RICTOR: variants seen among roughly 807,000 people sequenced by gnomAD.
RICTOR encodes RPTOR independent companion of MTOR complex 2.
Under a neutral mutation model 214.9 loss-of-function variants are expected in RICTOR, and 49 were observed. The ratio of observed to expected loss-of-function variants is 0.23; its 90% CI spans 0.18 to 0.29. The LOEUF is 0.29. Ranked by LOEUF, RICTOR falls within the 10% of genes least tolerant of loss-of-function variation. The pLI, the probability that RICTOR is intolerant of heterozygous loss-of-function variation, is 1.00. For missense variants in RICTOR, 1,625 were observed against 2,047.0 expected (o/e 0.79, Z 3.98); for synonymous variants, 717 against 711.3 (o/e 1.01, Z -0.13).
Position 38,962,296 on chromosome 5 carries a change from C to A in RICTOR, c.1715+19G>T. 2 of 1,262,460 alleles carry A rather than the reference C, an allele frequency of 1.6e-6. No individual in the cohort carries two copies. The highest frequency in any genetic ancestry group is 1.1e-6 in the Non-Finnish European group (1 of 894,726). The allele number at this position is 1,262,460 out of a possible 1,614,324, so 78.2% of individuals were successfully genotyped here. A position where few individuals can be genotyped will look rare whatever the true frequency, so the allele number is the denominator to read the frequency against. ...TATTTAAGTTCTTTAAATTTAAATG[C>A]AAAATAGTTCTTACATACCTGTGTA... is the stretch of plus-strand genomic sequence containing the variant. On this transcript the variant is annotated intron_variant, in intron 19 of 37. Coordinates refer to ENST00000357387, the MANE Select transcript of RICTOR (RefSeq NM_152756.5).
chr5:39,058,710 C>T (rs1758349381), intron 2 of RICTOR, among the ~76,000 whole-genome samples: 2 of 152,086 alleles, frequency 1.3e-5, no homozygotes, highest in African/African-American at 4.8e-5. Flanking sequence ...CATGAGCACA[C>T]TGTTGAACTG....
At chr5:38,981,212 A>G (rs2150060270) in intron 8 of RICTOR, 1 of 152,352 alleles carries the variant, frequency 6.6e-6, no homozygotes, top group South Asian at 2.1e-4. Context: ...ACCTAAATAC[A>G]AACAAATCCT....
In RICTOR at chr5:39,012,966, T is replaced by C. The variant is rs150905446; in HGVS notation, c.195+8073A>G. ...CTAGAAGTATTAAGGATGATGTATT[T>C]TATCTTAGTCCCATGGAAAGTGTTT... On this transcript the variant is annotated intron_variant, in intron 3 of 37. Transcript: ENST00000357387. Among the ~76,000 whole-genome samples, 434 of 152,288 alleles carry C rather than the reference T, an allele frequency of 2.8e-3. 3 individuals carry two copies. Among genetic ancestry groups the C allele is most frequent in the African/African-American group, 0.01 (425 of 41,550 alleles).
chr5:38,956,165 CCTAA>C (rs2112893990), intron 25 of RICTOR, among the ~76,000 whole-genome samples: 1 of 152,162 alleles, frequency 6.6e-6, no homozygotes, highest in African/African-American at 2.4e-5. Flanking sequence ...ATCTAATCAA[CCTAA>C]CTACCAGTGA....
At chr5:39,002,383 TG>T in intron 5 of RICTOR, 151 bp downstream of exon 5, 1 of 185,338 alleles carries the variant, frequency 5.4e-6, no homozygotes, top group Non-Finnish European at 9.3e-6. Context: ...GTTACTTGGT[TG>T]TGTGTGTGTG....
At chr5:38,949,308 TA>T (rs904764033) in intron 31 of RICTOR, 8 of 1,226,090 alleles carry the variant, frequency 6.5e-6, no homozygotes, top group African/African-American at 4.7e-5. Context: ...TTTATCTTTT[TA>T]AAAAAATAAT....
intron 2 of RICTOR, among the ~76,000 whole-genome samples, chr5:39,051,557 G>A (rs1362641418): frequency 6.6e-6 from 1 of 152,076 alleles, no homozygotes; most frequent in Non-Finnish European, 1.5e-5. Context: ...AGACCAGGCT[G>A]GCCAACATGG....
intron 22 of RICTOR, 81 bp from the exon 23 acceptor site, chr5:38,958,912 T>C: frequency 9.6e-7 from 1 of 1,041,250 alleles, no homozygotes; most frequent in Non-Finnish European, 1.3e-6. Flanking sequence ...GGGATAGTCC[T>C]GCTACTTGAA....
At chr5:39,048,312 T>C (rs561026698) in intron 2 of RICTOR, among the ~76,000 whole-genome samples, 4 of 152,344 alleles carry the variant, frequency 2.6e-5, no homozygotes, top group South Asian at 2.1e-4. Context: ...GCTTGCAAGG[T>C]TGACCCTCAG....
At chr5:38,990,573 A>G (rs1259345763) in intron 7 of RICTOR, among the ~76,000 whole-genome samples, 1 of 147,854 alleles carries the variant, frequency 6.8e-6, no homozygotes, top group East Asian at 1.9e-4. Flanking sequence ...TACACGATAT[A>G]TATGATATAT....
chr5:39,052,812 C>A (rs769924972), intron 2 of RICTOR, among the ~76,000 whole-genome samples: 4 of 152,128 alleles, frequency 2.6e-5, no homozygotes, highest in Admixed American at 6.5e-5. Context: ...GATCTCTTAT[C>A]AGTTTCTTCT....
chr5:38,954,917 G>T, intron 26 of RICTOR, 56 bp from the exon 27 acceptor site: 1 of 793,420 alleles, frequency 1.3e-6, no homozygotes, highest in Non-Finnish European at 2.1e-6. Flanking sequence ...ATGCTAATTA[G>T]AACAAAAGAA....
At chr5:38,992,826 A>C (rs1175898597) in intron 6 of RICTOR, among the ~76,000 whole-genome samples, 1 of 152,216 alleles carries the variant, frequency 6.6e-6, no homozygotes, top group African/African-American at 2.4e-5. Context: ...AAACTGTAAA[A>C]GTTTAATAAT....
intron 7 of RICTOR, among the ~76,000 whole-genome samples, chr5:38,987,673 C>A (rs968895628): frequency 6.6e-6 from 1 of 151,640 alleles, no homozygotes; most frequent in Non-Finnish European, 1.5e-5. Context: ...TGGATTCATT[C>A]GTTTTTTTTG....
chr5:39,066,113 G>A (rs1758887642), intron 2 of RICTOR, among the ~76,000 whole-genome samples: 1 of 152,236 alleles, frequency 6.6e-6, no homozygotes, highest in African/African-American at 2.4e-5. Flanking sequence ...CTTCTGCCTA[G>A]ACACCCAGGC....
intron 5 of RICTOR, among the ~76,000 whole-genome samples, chr5:38,998,427 T>A (rs1242036631): frequency 6.6e-6 from 1 of 152,146 alleles, no homozygotes; most frequent in Admixed American, 6.5e-5. Flanking sequence ...CCTCAAGTGA[T>A]CTGCCCGCCT....
chr5:38,978,777 TCTAA>T (rs1258572396), intron 8 of RICTOR, 127 bp from the exon 9 acceptor site: 1 of 499,658 alleles, frequency 2.0e-6, no homozygotes, highest in African/African-American at 2.0e-5. Flanking sequence ...ACTTATTTCT[TCTAA>T]CTCATCATCA....
rs1457049422 is a variant in RICTOR at position 38,939,990 on chromosome 5, C to G, written c.*2314G>C. Reference sequence around the variant, plus strand: ...ACCTGTCAGTGAAATCATGGAGAAACCAAATAGCACTATAAATTTAAGCGT... The same window carrying G: ...ACCTGTCAGTGAAATCATGGAGAAAGCAAATAGCACTATAAATTTAAGCGT... On this transcript the variant is annotated 3_prime_UTR_variant, in exon 38 of 38. Transcript: ENST00000357387. The G allele has an allele frequency of 4.4e-6, 1 of 225,410 alleles. No individual in the cohort carries two copies. The highest frequency in any genetic ancestry group is 8.8e-6 in the Non-Finnish European group (1 of 114,256). The allele number at this position is 225,410 out of a possible 1,614,324, so 14.0% of individuals were successfully genotyped here.
intron 3 of RICTOR, among the ~76,000 whole-genome samples, chr5:39,008,114 G>T (rs1754213507): frequency 6.6e-6 from 1 of 151,554 alleles, no homozygotes; most frequent in South Asian, 2.1e-4. Flanking sequence ...ACAATCATAA[G>T]AAAAATATGC....
Sources: gnomAD v4.1 joint callset for allele counts (sites outside exome capture counted in the v4.1 genomes callset) on GRCh38, gnomAD v4.1.1 for gene constraint, MANE v1.5 for transcripts, NCBI Gene and HGNC (gene_info 2026-07-23, HGNC 2026-07-21) for gene names.